OPRM1: variants seen among roughly 807,000 people sequenced by gnomAD.
OPRM1 encodes the protein mu-type opioid receptor.
In OPRM1, 27 loss-of-function variants were observed where a neutral mutation model predicts 31.8. The observed-to-expected ratio is 0.85, with a 90% CI of 0.63 to 1.17. The LOEUF (loss-of-function observed/expected upper bound fraction) is 1.17. Ranked by LOEUF, OPRM1 falls within the 50% of genes most tolerant of loss-of-function variation. OPRM1 has a pLI of 0.00. For missense variants in OPRM1, 536 were observed against 511.1 expected, an observed-to-expected ratio of 1.05 and a Z score of -0.47; for synonymous variants, 196 against 189.9, an observed-to-expected ratio of 1.03 and a Z score of -0.26.
intron 3 of OPRM1, among the ~76,000 whole-genome samples, chr6:154,238,930 TAA>T (rs945093954): frequency 1.4e-3 from 202 of 147,422 alleles, no homozygotes; most frequent in African/African-American, 4.7e-3. Context: ...TTGTTTTTTT[TAA>T]AAAAAAAAAG....
At position 154,039,664 on chromosome 6, in the gene OPRM1, C is replaced by T. The variant is rs1779623921; in HGVS notation, c.120C>T (p.Asn40=). 1 of 1,613,964 alleles carries T rather than the reference C, an allele frequency of 6.2e-7. No individual in the cohort carries two copies. Among genetic ancestry groups the T allele is most frequent in the Non-Finnish European group, 8.5e-7 (1 of 1,179,854 alleles). The change falls in exon 1 of 4, where the codon AAC becomes AAT. Residue 40 remains asparagine, a synonymous_variant. Transcript: ENST00000330432. ...SWVNLSHLDG[N]LSDPCGPNRT... is the part of the protein sequence containing the mutation. ...TCAACTTGTCCCACTTAGATGGCAA[C>T]CTGTCCGACCCATGCGGTCCGAACC...
chr6:154,152,323 G>GAAAGAAAGA (rs1798533019), intron 3 of OPRM1, among the ~76,000 whole-genome samples: 1 of 31,658 alleles, frequency 3.2e-5, no homozygotes, highest in African/African-American at 1.1e-4. Flanking sequence ...AAGAAAGAAA[G>GAAAGAAAGA]AAAGAAAGAA....
chr6:154,022,545 C>T (rs76350212), intron 1 of OPRM1, among the ~76,000 whole-genome samples: 3 of 147,502 alleles, frequency 2.0e-5, no homozygotes, highest in South Asian at 4.3e-4. Flanking sequence ...CTGTGAGGAA[C>T]CTTTTAAAGT....
intron 3 of OPRM1, among the ~76,000 whole-genome samples, chr6:154,225,273 A>C (rs909678714): frequency 6.6e-6 from 1 of 152,218 alleles, no homozygotes; most frequent in Non-Finnish European, 1.5e-5. Flanking sequence ...GAATTGAAAA[A>C]GGGTACTCAA....
At chr6:154,072,446 T>C (rs1019509173) in intron 1 of OPRM1, among the ~76,000 whole-genome samples, 1 of 152,258 alleles carries the variant, frequency 6.6e-6, no homozygotes, top group African/African-American at 2.4e-5. Flanking sequence ...TCAAATTCAT[T>C]GATAGCACAA....
At chr6:154,100,062 T>TATCATG (rs1794417498) in intron 3 of OPRM1, among the ~76,000 whole-genome samples, 1 of 135,416 alleles carries the variant, frequency 7.4e-6, no homozygotes, top group Non-Finnish European at 1.5e-5. Context: ...ATATGATATA[T>TATCATG]ATCATGATAT....
intron 3 of OPRM1, among the ~76,000 whole-genome samples, chr6:154,164,562 T>G (rs1467538517): frequency 1.3e-5 from 2 of 152,206 alleles, no homozygotes; most frequent in African/African-American, 4.8e-5. Flanking sequence ...CTCTGCTTTC[T>G]GGCAGGCAAG....
chr6:154,117,281 T>C (rs996265267), intron 3 of OPRM1, among the ~76,000 whole-genome samples: 4 of 152,188 alleles, frequency 2.6e-5, no homozygotes, highest in African/African-American at 9.7e-5. Context: ...TTTGTGCCAC[T>C]TTGAGAAGAA....
At chr6:154,044,119 T>G (rs202243467) in intron 1 of OPRM1, among the ~76,000 whole-genome samples, 16 of 148,954 alleles carry the variant, frequency 1.1e-4, no homozygotes, top group East Asian at 7.8e-4. Context: ...GATAGATAGA[T>G]AGAGAGAGAG....
chr6:154,091,533 G>T (rs1792219988), intron 3 of OPRM1, 61 bp downstream of exon 3: 1 of 1,531,130 alleles, frequency 6.5e-7, no homozygotes, highest in Non-Finnish European at 8.7e-7. Context: ...ATAAGGCTTT[G>T]TGCTAAACTA....
chr6:154,093,680 C>T (rs1353449950), intron 3 of OPRM1, among the ~76,000 whole-genome samples: 1 of 152,170 alleles, frequency 6.6e-6, no homozygotes, highest in Non-Finnish European at 1.5e-5. Context: ...ACACATTAGC[C>T]CTCGAATTGG....
chr6:154,153,912 T>C (rs1798612936), intron 3 of OPRM1, among the ~76,000 whole-genome samples: 1 of 152,212 alleles, frequency 6.6e-6, no homozygotes, highest in Non-Finnish European at 1.5e-5. Flanking sequence ...CTATTTGTGG[T>C]AATTTGTTAT....
At chr6:154,166,282 G>GC (rs1477648442) in intron 3 of OPRM1, among the ~76,000 whole-genome samples, 4 of 152,160 alleles carry the variant, frequency 2.6e-5, no homozygotes, top group Non-Finnish European at 5.9e-5. Context: ...CACAAAGTTG[G>GC]CCCCCCAGTG....
chr6:154,042,940 T>A (rs1562391097), intron 1 of OPRM1, among the ~76,000 whole-genome samples: 1 of 151,796 alleles, frequency 6.6e-6, no homozygotes, highest in Non-Finnish European at 1.5e-5. Flanking sequence ...AGAAAAAAAA[T>A]CAAAACAAAA....
intron 3 of OPRM1, among the ~76,000 whole-genome samples, chr6:154,095,869 G>T (rs1214608964): frequency 1.3e-5 from 2 of 151,902 alleles, no homozygotes. Flanking sequence ...CTCCACACAC[G>T]CCCTACACTG....
At chr6:154,227,790 C>T (rs1424064241) in intron 3 of OPRM1, among the ~76,000 whole-genome samples, 1 of 152,074 alleles carries the variant, frequency 6.6e-6, no homozygotes, top group Non-Finnish European at 1.5e-5. Context: ...TGGGTGGATT[C>T]CTTTTCTGCA....
intron 3 of OPRM1, among the ~76,000 whole-genome samples, chr6:154,118,376 G>A (rs1200480243): frequency 6.6e-6 from 1 of 152,168 alleles, no homozygotes; most frequent in Non-Finnish European, 1.5e-5. Context: ...AAAAAAGGGG[G>A]AGAAAGAGTT....
At chr6:154,097,048 T>C (rs1446254317) in intron 3 of OPRM1, among the ~76,000 whole-genome samples, 1 of 152,240 alleles carries the variant, frequency 6.6e-6, no homozygotes, top group Non-Finnish European at 1.5e-5. Flanking sequence ...ACATGAATGT[T>C]TTCACCAAAT....
At chr6:154,099,350 A>T (rs561473805) in intron 3 of OPRM1, among the ~76,000 whole-genome samples, 1,321 of 108,080 alleles carry the variant, frequency 0.012, 23 homozygotes, top group African/African-American at 0.045. Context: ...GAAGAGAGCG[A>T]GAGAGAGAGA....
Sources: gnomAD v4.1 joint callset for allele counts (sites outside exome capture counted in the v4.1 genomes callset) on GRCh38, gnomAD v4.1.1 for gene constraint, MANE v1.5 for transcripts, NCBI Gene and HGNC (gene_info 2026-07-23, HGNC 2026-07-21) for gene names.